The following KIAA1217 variants were observed in gnomAD, a reference collection of about 807,000 sequenced individuals.
KIAA1217 encodes the protein KIAA1217.
A neutral mutation model predicts 163.9 loss-of-function variants in KIAA1217; 88 were observed. That is an observed-to-expected ratio of 0.54 (90% CI 0.45 to 0.64). The LOEUF is 0.64. KIAA1217 is among the 30% of genes least tolerant of loss of function. KIAA1217 has a pLI of 0.00. For synonymous variants in KIAA1217, 903 were observed against 923.1 expected (o/e 0.98, Z 0.39); for missense variants, 2,372 against 2,475.0 (o/e 0.96, Z 0.88).
intron 1 of KIAA1217, among the ~76,000 whole-genome samples, chr10:24,211,335 T>G (rs1399768212): frequency 8.4e-5 from 12 of 142,484 alleles, no homozygotes; most frequent in African/African-American, 2.8e-4. Flanking sequence ...TTGAAAGAGG[T>G]GGGAATCTCC....
chr10:24,406,392 A>AACAC (rs34564889), intron 3 of KIAA1217, among the ~76,000 whole-genome samples: 8,800 of 133,818 alleles, frequency 0.066, 267 homozygotes, highest in East Asian at 0.084. Context: ...TTCACACACA[A>AACAC]ACACACACAC....
At chr10:23,730,647 G>T (rs1473916476) in intron 1 of KIAA1217, among the ~76,000 whole-genome samples, 1 of 131,226 alleles carries the variant, frequency 7.6e-6, no homozygotes, top group African/African-American at 3.6e-5. Flanking sequence ...TTTCCATTTT[G>T]TAGTGTCTTT....
intron 2 of KIAA1217, among the ~76,000 whole-genome samples, chr10:24,025,515 A>G (rs1000242243): frequency 9.9e-5 from 15 of 151,774 alleles, no homozygotes; most frequent in African/African-American, 3.6e-4. Flanking sequence ...TTTTATATAA[A>G]TTTTAGAATC....
At chr10:24,339,313 C>T (rs1394332323) in intron 2 of KIAA1217, among the ~76,000 whole-genome samples, 1 of 152,058 alleles carries the variant, frequency 6.6e-6, no homozygotes, top group Admixed American at 6.6e-5. Context: ...GGCATTGTCA[C>T]CCAATTTTTG....
chr10:23,716,323 A>G (rs992281307), intron 1 of KIAA1217, among the ~76,000 whole-genome samples: 4 of 152,118 alleles, frequency 2.6e-5, no homozygotes, highest in Non-Finnish European at 4.4e-5. Flanking sequence ...TTTCCTTTGC[A>G]TTGGTTTCTT....
At chr10:24,158,819 C>G (rs1211610887) in intron 2 of KIAA1217, 7 of 414,326 alleles carry the variant, frequency 1.7e-5, no homozygotes, top group Non-Finnish European at 3.4e-5. Flanking sequence ...GGTTGTTACA[C>G]TAAAACAGAG....
chr10:23,872,298 A>G (rs1554815749), intron 1 of KIAA1217, among the ~76,000 whole-genome samples: 26,210 of 152,038 alleles, frequency 0.17, 2,350 homozygotes, highest in Middle Eastern at 0.21. Context: ...AATAGATTTT[A>G]AAAGACTTAG....
intron 1 of KIAA1217, among the ~76,000 whole-genome samples, chr10:23,863,775 C>T (rs1840060047): frequency 6.6e-6 from 1 of 152,142 alleles, no homozygotes; most frequent in Non-Finnish European, 1.5e-5. Flanking sequence ...CTGAGATTCT[C>T]CCCTTTATTT....
intron 2 of KIAA1217, among the ~76,000 whole-genome samples, chr10:24,304,205 C>CTT (rs35675149): frequency 2.6e-4 from 33 of 125,520 alleles, no homozygotes; most frequent in Middle Eastern, 4.2e-3. Flanking sequence ...ATTAGGTTAC[C>CTT]TTTTTTTTTT....
intron 1 of KIAA1217, among the ~76,000 whole-genome samples, chr10:23,939,366 A>T (rs1027109737): frequency 2.0e-5 from 3 of 152,168 alleles, no homozygotes; most frequent in Non-Finnish European, 2.9e-5. Context: ...GCATACTTCA[A>T]ATTTAAAGAT....
chr10:24,520,347 G>A, intron 11 of KIAA1217, 94 bp downstream of exon 11: 2 of 1,514,888 alleles, frequency 1.3e-6, no homozygotes, highest in South Asian at 1.2e-5. Flanking sequence ...ATGTATGCAA[G>A]TATTTATTAA....
chr10:23,848,941 C>T (rs560770945), intron 1 of KIAA1217, among the ~76,000 whole-genome samples: 4 of 152,166 alleles, frequency 2.6e-5, no homozygotes, highest in Non-Finnish European at 5.9e-5. Flanking sequence ...GAGTTATTAA[C>T]TTAATATATT....
intron 2 of KIAA1217, among the ~76,000 whole-genome samples, chr10:24,274,230 G>A (rs548340337): frequency 1.8e-4 from 28 of 152,266 alleles, no homozygotes; most frequent in Non-Finnish European, 3.4e-4. Flanking sequence ...TGCTGGCCAG[G>A]CACAATGGCT....
chr10:24,135,177 C>T (rs2063787893), intron 2 of KIAA1217, among the ~76,000 whole-genome samples: 1 of 152,222 alleles, frequency 6.6e-6, no homozygotes. Context: ...ACTCCCTTCT[C>T]TTTCCTCCAA....
At chr10:23,734,248 T>G (rs1838654452) in intron 1 of KIAA1217, among the ~76,000 whole-genome samples, 1 of 151,960 alleles carries the variant, frequency 6.6e-6, no homozygotes, top group Non-Finnish European at 1.5e-5. Flanking sequence ...TATTCTTACT[T>G]TAGAAGTTAT....
chr10:23,767,226 A>G (rs1227569121), intron 1 of KIAA1217, among the ~76,000 whole-genome samples: 1 of 152,162 alleles, frequency 6.6e-6, no homozygotes, highest in Non-Finnish European at 1.5e-5. Context: ...GGAGGAGGTG[A>G]GACCCATGAG....
intron 5 of KIAA1217, among the ~76,000 whole-genome samples, chr10:24,443,234 C>A (rs183722322): frequency 6.6e-6 from 1 of 152,168 alleles, no homozygotes; most frequent in Non-Finnish European, 1.5e-5. Context: ...TCAAGATAAA[C>A]TTTTGAGCCA....
chr10:23,891,608 T>C (rs58617013), intron 1 of KIAA1217, among the ~76,000 whole-genome samples: 2,954 of 152,076 alleles, frequency 0.019, 100 homozygotes, highest in African/African-American at 0.064. Flanking sequence ...AATCATGGGC[T>C]TCGCCTCATG....
At chr10:24,322,050 G>A (rs572555305) in intron 2 of KIAA1217, among the ~76,000 whole-genome samples, 3 of 152,228 alleles carry the variant, frequency 2.0e-5, no homozygotes, top group South Asian at 4.1e-4. Context: ...CCAGGTTCAC[G>A]CGATTCTCCC....
Sources: gnomAD v4.1 joint callset for allele counts (sites outside exome capture counted in the v4.1 genomes callset) on GRCh38, gnomAD v4.1.1 for gene constraint, MANE v1.5 for transcripts, NCBI Gene and HGNC (gene_info 2026-07-23, HGNC 2026-07-21) for gene names.